The following AIRIM variants were observed in gnomAD, a reference collection of about 807,000 sequenced individuals.
AIRIM encodes AFG2-interacting ribosome maturation factor.
At chr1:37,685,261 A>G in the AIRIM span, among the ~76,000 whole-genome samples, 2 of 147,810 alleles carry the variant, frequency 1.4e-5, no homozygotes, top group Non-Finnish European at 3.0e-5. Flanking sequence ...TGGTGATCAC[A>G]CCCAGGCTGG....
chr1:37,685,192 T>TGGGGGGGGGG, the AIRIM span, among the ~76,000 whole-genome samples: 1 of 44,786 alleles, frequency 2.2e-5, no homozygotes, highest in African/African-American at 9.1e-5. Context: ...TGCTTTTTTT[T>TGGGGGGGGGG]GGGGGGGGGG....
the AIRIM span, chr1:37,690,162 G>A: frequency 1.7e-6 from 2 of 1,162,028 alleles, no homozygotes; most frequent in Admixed American, 2.5e-5. Flanking sequence ...GAATACAGGT[G>A]CCCGCCAACA....
the AIRIM span, chr1:37,689,931 T>C: frequency 6.7e-7 from 1 of 1,498,186 alleles, no homozygotes; most frequent in Non-Finnish European, 8.9e-7. Context: ...GGGTGCCAAG[T>C]CAGTCGGGGA....
the AIRIM span, among the ~76,000 whole-genome samples, chr1:37,685,820 TC>T: frequency 2.8e-4 from 42 of 152,316 alleles, no homozygotes; most frequent in East Asian, 7.3e-3. Flanking sequence ...CCAGGAATGT[TC>T]TTACCACAAG....
chr1:37,691,352 C>T, the AIRIM span: 1 of 152,184 alleles, frequency 6.6e-6, no homozygotes, highest in African/African-American at 2.4e-5. Context: ...GCAAGATTAT[C>T]ACTCCCATAG....
chr1:37,683,679 G>A, the AIRIM span: 1 of 412,032 alleles, frequency 2.4e-6, no homozygotes, highest in Non-Finnish European at 4.4e-6. Context: ...AGCATGGTGA[G>A]GACAAAATCA....
At chr1:37,690,015 GTTTT>G in the AIRIM span, 3 of 1,244,192 alleles carry the variant, frequency 2.4e-6, no homozygotes, top group African/African-American at 4.7e-5. Flanking sequence ...CAGAAGCAGG[GTTTT>G]TTTTTTGTTT....
the AIRIM span, chr1:37,683,460 T>G: frequency 2.5e-6 from 4 of 1,608,256 alleles, no homozygotes; most frequent in Non-Finnish European, 3.4e-6. Context: ...TAAGGACTGC[T>G]CAAAAGAAAA....
the AIRIM span, chr1:37,689,914 C>A: frequency 6.6e-7 from 1 of 1,509,324 alleles, no homozygotes. Flanking sequence ...AGAAAATAAC[C>A]ACGTTGGGGT....
the AIRIM span, among the ~76,000 whole-genome samples, chr1:37,687,110 G>GTA: frequency 2.1e-3 from 291 of 139,720 alleles, 2 homozygotes; most frequent in African/African-American, 4.5e-3. Flanking sequence ...GTGTGTGTGT[G>GTA]TATAGTTTTT....
the AIRIM span, among the ~76,000 whole-genome samples, chr1:37,684,527 G>A: frequency 6.6e-6 from 1 of 152,186 alleles, no homozygotes; most frequent in Admixed American, 6.5e-5. Context: ...GCTGAGGCAG[G>A]AGAATTGCTT....
At chr1:37,690,073 G>A in the AIRIM span, 1 of 1,401,650 alleles carries the variant, frequency 7.1e-7, no homozygotes, top group East Asian at 2.6e-5. Context: ...CTGGAGTGCA[G>A]TGGCGCTATC....
chr1:37,690,525 CGCATGCTCACACGCG>C, the AIRIM span: 1 of 1,172,256 alleles, frequency 8.5e-7, no homozygotes, highest in African/African-American at 1.6e-5. Context: ...AGTCTCTCTG[CGCATGCTCACACGCG>C]ACCTCCCCAC....
At chr1:37,686,543 A>C in the AIRIM span, 1 of 1,299,934 alleles carries the variant, frequency 7.7e-7, no homozygotes, top group South Asian at 1.4e-5. Context: ...TTTGGACTAC[A>C]TGATTCTCTG....
chr1:37,684,363 C>T, the AIRIM span, among the ~76,000 whole-genome samples: 8 of 152,146 alleles, frequency 5.3e-5, no homozygotes, highest in East Asian at 1.9e-4. Context: ...AAGCCGGGCG[C>T]GGTGGCTCGA....
At chr1:37,688,802 C>A in the AIRIM span, among the ~76,000 whole-genome samples, 1 of 151,852 alleles carries the variant, frequency 6.6e-6, no homozygotes, top group Non-Finnish European at 1.5e-5. Flanking sequence ...CCTATCTCTA[C>A]AAAAAATTTT....
chr1:37,682,557 C>A, the AIRIM span: 1 of 152,864 alleles, frequency 6.5e-6, no homozygotes, highest in Non-Finnish European at 1.5e-5. Flanking sequence ...TGCTGCACCA[C>A]CTCCCCCTGG....
chr1:37,685,192 T>TGGGGGGG, the AIRIM span, among the ~76,000 whole-genome samples: 20 of 44,780 alleles, frequency 4.5e-4, no homozygotes, highest in East Asian at 2.4e-3. Flanking sequence ...TGCTTTTTTT[T>TGGGGGGG]GGGGGGGGGG....
At chr1:37,689,625 C>A in the AIRIM span, 1 of 1,610,664 alleles carries the variant, frequency 6.2e-7, no homozygotes, top group Non-Finnish European at 8.5e-7. Flanking sequence ...CCTAGCTTGT[C>A]CAGGACGATG....
Sources: gnomAD v4.1 joint callset for allele counts (sites outside exome capture counted in the v4.1 genomes callset) on GRCh38, gnomAD v4.1.1 for gene constraint, MANE v1.5 for transcripts, NCBI Gene and HGNC (gene_info 2026-07-23, HGNC 2026-07-21) for gene names.